GUCA1B: variants seen among roughly 807,000 people sequenced by gnomAD.
GUCA1B encodes guanylate cyclase activator 1B.
GUCA1B carries 22 observed loss-of-function variants against 24.2 expected under a neutral mutation model. The ratio of observed to expected loss-of-function variants is 0.91; its 90% confidence interval spans 0.65 to 1.30. GUCA1B has a LOEUF of 1.30. GUCA1B is among the 50% of genes most tolerant of loss of function. The probability of loss-of-function intolerance (pLI) is 0.00; values close to 1 mark genes in which losing one functional copy is unlikely to be tolerated. For missense variants in GUCA1B, 221 were observed against 258.8 expected (o/e 0.85, Z 1.00); for synonymous variants, 100 against 97.9 (o/e 1.02, Z -0.13).
chr6:42,184,308 G>C lies in GUCA1B; in HGVS notation c.*507C>G, dbSNP rs546491968. ...GTTTCACCCCGTGTTAGCCAGGATG[G>C]TCTCGATCTCCTGACCTCGTGATCT... On this transcript the variant is annotated 3_prime_UTR_variant, in exon 4 of 4. Coordinates refer to ENST00000230361, the MANE Select transcript of GUCA1B (RefSeq NM_002098.6). The C allele has an allele frequency of 1.2e-4, 25 of 203,846 alleles. No individual in the cohort carries two copies. In the East Asian group the frequency reaches 2.4e-3, roughly 19 times the overall value. The allele number at this position is 203,846 out of a possible 1,614,324, so 12.6% of individuals were successfully genotyped here. A position where few individuals can be genotyped will look rare whatever the true frequency, so the allele number is the denominator to read the frequency against.
chr6:42,187,987 A>G (rs1027272923), intron 2 of GUCA1B, among the ~76,000 whole-genome samples: 1 of 151,942 alleles, frequency 6.6e-6, no homozygotes, highest in Non-Finnish European at 1.5e-5. Flanking sequence ...CTAGGACTAC[A>G]GGCATGTACC....
rs1348569147 is a variant in GUCA1B at position 42,194,449 on chromosome 6, CA to C, written c.207+164del. On this transcript the variant is annotated intron_variant, in intron 1 of 3. Coordinates refer to ENST00000230361, the MANE Select transcript of GUCA1B (RefSeq NM_002098.6). ...AAAGGGACAAAAGGAAGAGAAGAGA[CA>C]GAAGGGTTTGGTGAGTGAGACAGAA... 2.0e-5 allele frequency among the ~76,000 whole-genome samples: 3 copies of C among 152,044 alleles called. No individual in the cohort carries two copies. The East Asian group carries it at 5.8e-4, about 29-fold the overall frequency.
chr6:42,189,585 G>A (rs1218995760), intron 1 of GUCA1B, among the ~76,000 whole-genome samples: 5 of 152,134 alleles, frequency 3.3e-5, no homozygotes, highest in Non-Finnish European at 5.9e-5. Context: ...CCACTTCTAG[G>A]TCCCAGTGGA....
In GUCA1B at chr6:42,192,399, AGAAAAGAAAAAGG is replaced by A. The variant is rs1562064945; in HGVS notation, c.207+2202_207+2214del. ...AAAAAAAGAGAGAAAAGAAAAGAAA[AGAAAAGAAAAAGG>A]AAAAAAGAAAGAAACCTGGCCGGGT... On this transcript the variant is annotated intron_variant, in intron 1 of 3. Transcript: ENST00000230361. 4.9e-4 allele frequency among the ~76,000 whole-genome samples: 67 copies of A among 135,852 alleles called. 5 individuals are homozygous for A. The highest frequency in any genetic ancestry group is 1.9e-3 in the African/African-American group (63 of 32,792). 89.1% of individuals were successfully genotyped at this position (135,852 alleles called of 152,430 possible). A position where few individuals can be genotyped will look rare whatever the true frequency, so the allele number is the denominator to read the frequency against.
intron 2 of GUCA1B, among the ~76,000 whole-genome samples, chr6:42,186,550 G>A (rs544091718): frequency 1.3e-4 from 20 of 152,096 alleles, no homozygotes; most frequent in Non-Finnish European, 2.4e-4. Context: ...CCGAGATTGC[G>A]CCACTGAATT....
chr6:42,188,145 TTC>T (rs1405108138), intron 2 of GUCA1B, among the ~76,000 whole-genome samples: 2 of 152,160 alleles, frequency 1.3e-5, no homozygotes, highest in Non-Finnish European at 2.9e-5. Context: ...TGCACCCAGC[TTC>T]TGTTTCCAAA....
rs760356 is a variant in GUCA1B, at chr6:42,184,371, G to C, written c.*444C>G. 1.9e-5 allele frequency: 5 copies of C among 266,234 alleles called. No homozygotes were observed. Among genetic ancestry groups the C allele is most frequent in the Non-Finnish European group, 3.8e-5 (5 of 133,026 alleles). The allele number at this position is 266,234 out of a possible 1,614,324, so 16.5% of individuals were successfully genotyped here. On this transcript the variant is annotated 3_prime_UTR_variant, in exon 4 of 4. Coordinates refer to ENST00000230361, the MANE Select transcript of GUCA1B (RefSeq NM_002098.6). ...CTCCCAAAGTGCTGGGATTACAGGCGTGAGCCACCGTGCCCGGCAACTCCT... is the reference window on the plus strand; with the variant it reads ...CTCCCAAAGTGCTGGGATTACAGGCCTGAGCCACCGTGCCCGGCAACTCCT...
In GUCA1B at chr6:42,194,665, CTCA is replaced by C. The variant is rs1421823326; in HGVS notation, c.153_155del (p.Asp51del). The C allele has an allele frequency of 5.6e-6, 9 of 1,613,890 alleles. No individual in the cohort carries two copies. In the East Asian group the frequency reaches 8.9e-5, roughly 16 times the overall value. The stretch of plus-strand genomic sequence containing the variant: ...TGCCCTCTACATACTGGGAGGCCTC[CTCA>C]TCGTCTGTGACCTTGAAGAAGCGCT... On this transcript the variant is annotated inframe_deletion, in exon 1 of 4. Coordinates refer to ENST00000230361, the MANE Select transcript of GUCA1B (RefSeq NM_002098.6).
At position 42,188,726 on chromosome 6, in the gene GUCA1B, G is replaced by A; in HGVS notation, c.213C>T (p.Asn71=). The A allele has an allele frequency of 1.9e-6, 3 of 1,613,636 alleles. No individual in the cohort carries two copies. Among genetic ancestry groups the A allele is most frequent in the Non-Finnish European group, 2.5e-6 (3 of 1,179,830 alleles). The change falls in exon 2 of 4, where the codon AAC becomes AAT. Residue 71 remains asparagine (N), a synonymous_variant. Coordinates refer to ENST00000230361, the MANE Select transcript of GUCA1B (RefSeq NM_002098.6). ...CCACGTACTCCAGGAAGTCGATGGTGTTGTCCTGCATTAGATGTGGATGCT... is the reference window on the plus strand; with the variant it reads ...CCACGTACTCCAGGAAGTCGATGGTATTGTCCTGCATTAGATGTGGATGCT... ...MFRAFDKNGD[N]TIDFLEYVAA...
rs1562064935 is a variant in GUCA1B, at chr6:42,192,394, AGAAAAGAAAAGAAAAAGG to A, written c.207+2202_207+2219del. 8.1e-3 allele frequency among the ~76,000 whole-genome samples: 140 copies of A among 17,254 alleles called. 15 individuals carry two copies. Among genetic ancestry groups the A allele is most frequent in the African/African-American group, 0.014 (132 of 9,586 alleles). 11.3% of individuals were successfully genotyped at this position (17,254 alleles called of 152,430 possible). On this transcript the variant is annotated intron_variant, in intron 1 of 3. Coordinates refer to ENST00000230361, the MANE Select transcript of GUCA1B (RefSeq NM_002098.6). ...AAAAAAAAAAAAGAGAGAAAAGAAAAGAAAAGAAAAGAAAAAGGAAAAAAGAAAGAAACCTGGCCGGGT... is the reference window on the plus strand; with the variant it reads ...AAAAAAAAAAAAGAGAGAAAAGAAAAAAAAAAGAAAGAAACCTGGCCGGGT...
rs1768158807 is a variant in GUCA1B, at chr6:42,184,388, G to A, written c.*427C>T. On this transcript the variant is annotated 3_prime_UTR_variant, in exon 4 of 4. Transcript: ENST00000230361. ...TTACAGGCGTGAGCCACCGTGCCCG[G>A]CAACTCCTGCCTTTTCTTCAGTCTC... 5 of 282,898 alleles carry A rather than the reference G, an allele frequency of 1.8e-5. No individual in the cohort carries two copies. Among genetic ancestry groups the A allele is most frequent in the Non-Finnish European group, 3.5e-5 (5 of 142,040 alleles). The allele number at this position is 282,898 out of a possible 1,614,324, so 17.5% of individuals were successfully genotyped here. A position where few individuals can be genotyped will look rare whatever the true frequency, so the allele number is the denominator to read the frequency against.
At chr6:42,193,874 T>C (rs1175089117) in intron 1 of GUCA1B, among the ~76,000 whole-genome samples, 1 of 152,160 alleles carries the variant, frequency 6.6e-6, no homozygotes, top group Non-Finnish European at 1.5e-5. Context: ...TTTGAGGTAT[T>C]TGAGGATTGC....
At chr6:42,194,560 G>C in intron 1 of GUCA1B, 54 bp downstream of exon 1, 1 of 1,121,658 alleles carries the variant, frequency 8.9e-7, no homozygotes, top group Non-Finnish European at 1.4e-6. Flanking sequence ...GGACACTTGT[G>C]GAGGAAGGCG....
chr6:42,187,811 G>C (rs1768221826), intron 2 of GUCA1B, among the ~76,000 whole-genome samples: 1 of 151,752 alleles, frequency 6.6e-6, no homozygotes, highest in Admixed American at 6.6e-5. Flanking sequence ...TTCTAATATA[G>C]TATGCAATTT....
At chr6:42,187,522 G>A (rs1233477676) in intron 2 of GUCA1B, among the ~76,000 whole-genome samples, 1 of 151,330 alleles carries the variant, frequency 6.6e-6, no homozygotes, top group Non-Finnish European at 1.5e-5. Flanking sequence ...CCAGGCTCAG[G>A]CAATCCTCCC....
intron 2 of GUCA1B, 38 bp downstream of exon 2, chr6:42,188,544 A>C: frequency 6.2e-7 from 1 of 1,606,430 alleles, no homozygotes; most frequent in Non-Finnish European, 8.5e-7. Flanking sequence ...GCAGTGCTCT[A>C]GTGCCCAGGC....
At chr6:42,188,546 T>A in intron 2 of GUCA1B, 36 bp downstream of exon 2, 1 of 1,609,922 alleles carries the variant, frequency 6.2e-7, no homozygotes, top group East Asian at 2.2e-5. Flanking sequence ...AGTGCTCTAG[T>A]GCCCAGGCTG....
rs1768171708 is a variant in GUCA1B at position 42,185,146 on chromosome 6, A to G, written c.476-204T>C. The stretch of plus-strand genomic sequence containing the variant: ...TTTAAGGGGCTTTCTTTGCTGATGA[A>G]TTGAAGTTTTACTTTTGCGCATGGT... On this transcript the variant is annotated intron_variant, in intron 3 of 3. Transcript: ENST00000230361. 2.0e-5 allele frequency among the ~76,000 whole-genome samples: 3 copies of G among 152,300 alleles called. No individual in the cohort carries two copies. The South Asian group carries it at 6.2e-4, about 32-fold the overall frequency.
Position 42,184,669 on chromosome 6 carries a change from C to T in GUCA1B, c.*146G>A. 1 of 865,132 alleles carries T rather than the reference C, an allele frequency of 1.2e-6. No individual in the cohort carries two copies. The highest frequency in any genetic ancestry group is 1.3e-5 in the South Asian group (1 of 74,824). The allele number at this position is 865,132 out of a possible 1,614,324, so 53.6% of individuals were successfully genotyped here. A position where few individuals can be genotyped will look rare whatever the true frequency, so the allele number is the denominator to read the frequency against. ...GTTGGCCACTTCAAACCCAGCAGCCCTTCCCCATCCCCACTCAGCCCTGCA... is the reference window on the plus strand; with the variant it reads ...GTTGGCCACTTCAAACCCAGCAGCCTTTCCCCATCCCCACTCAGCCCTGCA... On this transcript the variant is annotated 3_prime_UTR_variant, in exon 4 of 4. Coordinates refer to ENST00000230361, the MANE Select transcript of GUCA1B (RefSeq NM_002098.6).
Sources: allele counts gnomAD v4.1 joint callset (sites outside exome capture counted in the v4.1 genomes callset), GRCh38; gene constraint gnomAD v4.1.1; transcripts MANE v1.5; gene names NCBI Gene and HGNC (gene_info 2026-07-23, HGNC 2026-07-21).